Variants in TRDN observed in about 807,000 individuals in gnomAD.
The protein encoded by TRDN is triadin in skeletal muscle.
Under a neutral mutation model 149.7 loss-of-function variants are expected in TRDN, and 161 were observed. The observed-to-expected ratio is 1.08, with a 90% CI of 0.95 to 1.23. The LOEUF (loss-of-function observed/expected upper bound fraction) is 1.23. Ranked by LOEUF, TRDN falls within the 50% of genes most tolerant of loss-of-function variation. The probability of loss-of-function intolerance (pLI) is 0.00; values close to 1 mark genes in which losing one functional copy is unlikely to be tolerated. For missense variants in TRDN, 896 were observed against 823.5 expected, an observed-to-expected ratio of 1.09 and a Z score of -1.08; for synonymous variants, 294 against 250.5, an observed-to-expected ratio of 1.17 and a Z score of -1.64.
chr6:123,389,028 GAAGGGAA>G (rs1429924247), intron 13 of TRDN, among the ~76,000 whole-genome samples: 1 of 152,056 alleles, frequency 6.6e-6, no homozygotes, highest in East Asian at 1.9e-4. Context: ...CCAATTTCAG[GAAGGGAA>G]AATAAATATC....
At chr6:123,501,024 T>TTA (rs1420367060) in intron 8 of TRDN, among the ~76,000 whole-genome samples, 3 of 151,878 alleles carry the variant, frequency 2.0e-5, no homozygotes, top group Non-Finnish European at 4.4e-5. Flanking sequence ...TACAAACAGA[T>TTA]TTAGATGGGT....
rs202219343 is a variant in TRDN, at chr6:123,366,174, G to C, written c.1282C>G (p.Arg428Gly). 3.0e-5 allele frequency: 48 copies of C among 1,612,426 alleles called. No homozygotes were observed. Among genetic ancestry groups the C allele is most frequent in the Non-Finnish European group, 4.1e-5 (48 of 1,179,110 alleles). The part of the protein sequence containing the change: ...SDKQVKAKTE[R>G]AKEEIGAVSI... Reference sequence around the variant, plus strand: ...ACCGCACCAATCTCCTCTTTGGCTCGTTCAGTTTCTGCAAGTTCAGATATT... The same window carrying C: ...ACCGCACCAATCTCCTCTTTGGCTCCTTCAGTTTCTGCAAGTTCAGATATT... The change falls in exon 20 of 41, where the codon CGA (arginine) becomes GGA (glycine). Residue 428 changes from arginine to glycine, a missense_variant. Coordinates refer to ENST00000334268, the MANE Select transcript of TRDN (RefSeq NM_006073.4).
chr6:123,378,443 C>A (rs1286580464), intron 16 of TRDN, among the ~76,000 whole-genome samples: 1 of 142,028 alleles, frequency 7.0e-6, no homozygotes, highest in Non-Finnish European at 1.5e-5. Flanking sequence ...CCATGTGTAG[C>A]CAGATTTGTA....
chr6:123,294,689 T>G (rs1236225735), intron 24 of TRDN, among the ~76,000 whole-genome samples: 1 of 152,144 alleles, frequency 6.6e-6, no homozygotes, highest in African/African-American at 2.4e-5. Context: ...CTCACATCCT[T>G]CTGTGCAGGC....
intron 1 of TRDN, among the ~76,000 whole-genome samples, chr6:123,589,407 C>T (rs1783673716): frequency 6.6e-6 from 1 of 152,160 alleles, no homozygotes; most frequent in South Asian, 2.1e-4. Context: ...ATTCCTCCTA[C>T]TAAATTGTCC....
chr6:123,430,833 T>C (rs552357326), intron 12 of TRDN, among the ~76,000 whole-genome samples: 1 of 152,298 alleles, frequency 6.6e-6, no homozygotes, highest in Admixed American at 6.5e-5. Context: ...CAGCCCAAGC[T>C]CACTTTTGTA....
intron 1 of TRDN, among the ~76,000 whole-genome samples, chr6:123,584,416 T>A (rs1783319312): frequency 1.3e-5 from 2 of 151,732 alleles, no homozygotes; most frequent in African/African-American, 4.8e-5. Context: ...AACAGTAAGG[T>A]CAAGTTGTTT....
intron 8 of TRDN, among the ~76,000 whole-genome samples, chr6:123,500,372 G>A (rs897063601): frequency 1.3e-5 from 2 of 152,110 alleles, no homozygotes; most frequent in African/African-American, 4.8e-5. Context: ...AGGTAGGTAT[G>A]TGTTGGGAAG....
chr6:123,267,891 G>T, intron 31 of TRDN, 140 bp from the exon 32 acceptor site: 3 of 625,804 alleles, frequency 4.8e-6, no homozygotes, highest in Non-Finnish European at 8.0e-6. Flanking sequence ...AACAAAGAAA[G>T]CATATTGCCA....
intron 21 of TRDN, chr6:123,350,857 G>T (rs1780436626): frequency 6.1e-6 from 6 of 983,762 alleles, no homozygotes; most frequent in Non-Finnish European, 7.2e-6. Context: ...GATAAAAGAA[G>T]ATTTTAGTAA....
chr6:123,232,981 G>T (rs566215929), intron 38 of TRDN, among the ~76,000 whole-genome samples: 1 of 152,122 alleles, frequency 6.6e-6, no homozygotes, highest in East Asian at 1.9e-4. Context: ...AGAAATCCTC[G>T]TAAGTAAACA....
chr6:123,635,530 C>A (rs1317466392), intron 1 of TRDN, among the ~76,000 whole-genome samples: 4 of 151,858 alleles, frequency 2.6e-5, no homozygotes, highest in Non-Finnish European at 5.9e-5. Flanking sequence ...ATACCTAACA[C>A]ATAGAAATCT....
At chr6:123,584,553 G>A (rs563099788) in intron 1 of TRDN, among the ~76,000 whole-genome samples, 6 of 152,006 alleles carry the variant, frequency 3.9e-5, no homozygotes, top group South Asian at 4.1e-4. Context: ...AATCGGACAC[G>A]ATCAGCAGGG....
intron 12 of TRDN, among the ~76,000 whole-genome samples, chr6:123,431,007 C>T (rs1254919275): frequency 2.0e-5 from 3 of 152,234 alleles, no homozygotes; most frequent in African/African-American, 7.2e-5. Flanking sequence ...GAAGACTTTC[C>T]ACTGTTGGAA....
At position 123,566,591 on chromosome 6, in the gene TRDN, C is replaced by G. The variant is rs58773281; in HGVS notation, c.232+4332G>C. Among the ~76,000 whole-genome samples the G allele has an allele frequency of 3.0e-3, 460 of 152,318 alleles. 1 individual carries two copies. The highest frequency in any genetic ancestry group is 0.011 in the African/African-American group (452 of 41,572). ...TTCTAAACTTCCAGAGAGTAACTGA[C>G]AGTTGCCCTGACTTTCTGGCCTTCC... On this transcript the variant is annotated intron_variant, in intron 2 of 40. Transcript: ENST00000334268.
intron 5 of TRDN, among the ~76,000 whole-genome samples, chr6:123,525,917 TC>T (rs1398348002): frequency 1.3e-5 from 2 of 152,042 alleles, no homozygotes; most frequent in Non-Finnish European, 2.9e-5. Context: ...TATAACTATA[TC>T]CTAGTCTCTG....
chr6:123,407,435 T>C (rs1404680491), intron 12 of TRDN, among the ~76,000 whole-genome samples: 2 of 152,174 alleles, frequency 1.3e-5, no homozygotes, highest in African/African-American at 2.4e-5. Context: ...CTGATCCTCG[T>C]AGTGCAATTG....
intron 1 of TRDN, among the ~76,000 whole-genome samples, chr6:123,622,660 C>T (rs142200215): frequency 1.2e-3 from 176 of 152,114 alleles, no homozygotes; most frequent in African/African-American, 4.0e-3. Context: ...GAAAACTAAG[C>T]GGGACAGCAT....
In TRDN at chr6:123,280,704, T is replaced by G. The variant is rs78004789; in HGVS notation, c.1511-1622A>C. Among the ~76,000 whole-genome samples the G allele has an allele frequency of 3.0e-3, 460 of 151,076 alleles. 17 individuals are homozygous for G. The East Asian group carries it at 0.077, about 25-fold the overall frequency. On this transcript the variant is annotated intron_variant, in intron 24 of 40. Coordinates refer to ENST00000334268, the MANE Select transcript of TRDN (RefSeq NM_006073.4). ...GCTTAAGGCCTAGTTTAGCTGTCTC[T>G]TTCTCAGAAGCCTTTTTCTGATGCA...
Sources: allele counts gnomAD v4.1 joint callset (sites outside exome capture counted in the v4.1 genomes callset), GRCh38; gene constraint gnomAD v4.1.1; transcripts MANE v1.5; gene names NCBI Gene and HGNC (gene_info 2026-07-23, HGNC 2026-07-21).